Variants in EPCIP observed in about 807,000 individuals in gnomAD.
The protein encoded by EPCIP is exosomal polycystin-1-interacting protein.
At chr21:32,809,361 CCTCTCTTCCTTT>C in the EPCIP span, among the ~76,000 whole-genome samples, 2 of 108,932 alleles carry the variant, frequency 1.8e-5, no homozygotes, top group African/African-American at 6.9e-5. Flanking sequence ...CTTTCTTTTT[CCTCTCTTCCTTT>C]CTCTCTCTCT....
At chr21:32,796,649 A>G in the EPCIP span, among the ~76,000 whole-genome samples, 1 of 152,218 alleles carries the variant, frequency 6.6e-6, no homozygotes, top group East Asian at 1.9e-4. Context: ...GTTCTCCCTG[A>G]ACAAGAGGCT....
At chr21:32,804,754 C>T in the EPCIP span, among the ~76,000 whole-genome samples, 2 of 152,124 alleles carry the variant, frequency 1.3e-5, no homozygotes, top group Non-Finnish European at 2.9e-5. Flanking sequence ...CAAACGTCCT[C>T]CTGTAAATTC....
chr21:32,809,968 T>C, the EPCIP span, among the ~76,000 whole-genome samples: 1 of 152,168 alleles, frequency 6.6e-6, no homozygotes, highest in African/African-American at 2.4e-5. Context: ...CCTAGTCGTG[T>C]TAGATTTTTA....
chr21:32,796,437 A>G, the EPCIP span, among the ~76,000 whole-genome samples: 3 of 152,214 alleles, frequency 2.0e-5, no homozygotes, highest in African/African-American at 7.2e-5. Context: ...ACTGAGAAGC[A>G]CTGTACTGAA....
the EPCIP span, among the ~76,000 whole-genome samples, chr21:32,809,286 TTC>T: frequency 4.5e-5 from 5 of 111,570 alleles, no homozygotes; most frequent in Non-Finnish European, 9.2e-5. Flanking sequence ...CTTCCTTTCT[TTC>T]TTTCTTTCTT....
At chr21:32,793,782 C>T in the EPCIP span, 3 of 1,614,070 alleles carry the variant, frequency 1.9e-6, no homozygotes, top group Non-Finnish European at 2.5e-6. Context: ...AATGTGACAA[C>T]ATAGCTTTTG....
chr21:32,795,174 C>T, the EPCIP span, among the ~76,000 whole-genome samples: 1 of 152,158 alleles, frequency 6.6e-6, no homozygotes, highest in Non-Finnish European at 1.5e-5. Flanking sequence ...ACTAATCACC[C>T]ACCGATTAAT....
At chr21:32,802,708 C>G in the EPCIP span, among the ~76,000 whole-genome samples, 1 of 152,170 alleles carries the variant, frequency 6.6e-6, no homozygotes, top group South Asian at 2.1e-4. Context: ...AGGCTGTCTT[C>G]CTCCTATGAG....
chr21:32,809,490 C>T, the EPCIP span, among the ~76,000 whole-genome samples: 2 of 151,664 alleles, frequency 1.3e-5, no homozygotes, highest in African/African-American at 4.8e-5. Context: ...CTCCCAACCT[C>T]AGCCTCCTGA....
the EPCIP span, among the ~76,000 whole-genome samples, chr21:32,807,418 C>T: frequency 2.5e-4 from 38 of 151,234 alleles, no homozygotes; most frequent in Non-Finnish European, 4.1e-4. Flanking sequence ...CCACAACCTC[C>T]GCCTCCCGGG....
At chr21:32,794,793 G>C in the EPCIP span, among the ~76,000 whole-genome samples, 1 of 152,210 alleles carries the variant, frequency 6.6e-6, no homozygotes, top group African/African-American at 2.4e-5. Context: ...GGATGCCAGA[G>C]AGGAGACCTA....
chr21:32,795,987 T>TCCTTCCA, the EPCIP span, among the ~76,000 whole-genome samples: 53 of 141,866 alleles, frequency 3.7e-4, no homozygotes, highest in Admixed American at 7.0e-4. Context: ...CTTCCTTCCC[T>TCCTTCCA]CCTTCCCTCC....
the EPCIP span, chr21:32,790,939 C>T: frequency 1.3e-5 from 2 of 152,242 alleles, no homozygotes; most frequent in East Asian, 1.9e-4. Context: ...ATTCACATAA[C>T]AACCTGGAAT....
At chr21:32,799,950 A>G in the EPCIP span, among the ~76,000 whole-genome samples, 1 of 152,358 alleles carries the variant, frequency 6.6e-6, no homozygotes, top group East Asian at 1.9e-4. Context: ...TATCTCAAAT[A>G]ATAAAATAAA....
the EPCIP span, among the ~76,000 whole-genome samples, chr21:32,810,038 G>T: frequency 6.6e-6 from 1 of 151,926 alleles, no homozygotes; most frequent in African/African-American, 2.4e-5. Context: ...TTCTCATCAG[G>T]TTCCCAGTGA....
At chr21:32,794,980 C>T in the EPCIP span, among the ~76,000 whole-genome samples, 1 of 152,192 alleles carries the variant, frequency 6.6e-6, no homozygotes, top group Non-Finnish European at 1.5e-5. Flanking sequence ...GCTATCCAAG[C>T]GCTACCTATT....
At chr21:32,811,907 G>A in the EPCIP span, among the ~76,000 whole-genome samples, 1 of 152,186 alleles carries the variant, frequency 6.6e-6, no homozygotes, top group Admixed American at 6.5e-5. Flanking sequence ...TCTTATGTGT[G>A]TGCACATGTT....
chr21:32,810,732 T>C, the EPCIP span: 1 of 466,502 alleles, frequency 2.1e-6, no homozygotes, highest in Non-Finnish European at 4.4e-6. Flanking sequence ...CATGCTCACA[T>C]GTCCCACATT....
At chr21:32,807,980 A>T in the EPCIP span, among the ~76,000 whole-genome samples, 93 of 152,382 alleles carry the variant, frequency 6.1e-4, no homozygotes, top group Non-Finnish European at 2.5e-4. Context: ...GTGAGTCCCA[A>T]GTCAGGCCTC....
Sources: allele counts gnomAD v4.1 joint callset (sites outside exome capture counted in the v4.1 genomes callset), GRCh38; gene constraint gnomAD v4.1.1; transcripts MANE v1.5; gene names NCBI Gene and HGNC (gene_info 2026-07-23, HGNC 2026-07-21).